PRIM2: variants seen among roughly 807,000 people sequenced by gnomAD.
PRIM2 encodes the protein DNA primase large subunit.
In PRIM2, 39 loss-of-function variants were observed where a neutral mutation model predicts 67.3. The ratio of observed to expected loss-of-function variants is 0.58; its 90% CI spans 0.45 to 0.76. The LOEUF is 0.76. Among genes scored for constraint, PRIM2 ranks in the 30% least tolerant of loss-of-function variants. The pLI, the probability that PRIM2 is intolerant of heterozygous loss-of-function variation, is 0.00. For missense variants in PRIM2, 398 were observed against 598.7 expected (o/e 0.66, Z 3.50); for synonymous variants, 143 against 198.7 (o/e 0.72, Z 2.36).
At chr6:57,238,901 TCCTTAGTATGA>T in the PRIM2 span, among the ~76,000 whole-genome samples, 41 of 152,354 alleles carry the variant, frequency 2.7e-4, 1 homozygote, top group South Asian at 6.4e-3. Flanking sequence ...ATTGTCAAGC[TCCTTAGTATGA>T]CCTTGCCTTT....
intron 8 of PRIM2, among the ~76,000 whole-genome samples, chr6:57,530,144 T>C (rs1774855576): frequency 6.6e-6 from 1 of 152,202 alleles, no homozygotes; most frequent in Non-Finnish European, 1.5e-5. Flanking sequence ...GGGACAGATA[T>C]GCAAACCATA....
chr6:57,453,935 G>A (rs1253167070), intron 7 of PRIM2, among the ~76,000 whole-genome samples: 1 of 152,122 alleles, frequency 6.6e-6, no homozygotes, highest in Non-Finnish European at 1.5e-5. Flanking sequence ...GTCATAGATA[G>A]CTCTTATTAT....
At chr6:57,521,460 A>G (rs1228209315) in intron 8 of PRIM2, among the ~76,000 whole-genome samples, 1 of 143,384 alleles carries the variant, frequency 7.0e-6, no homozygotes, top group African/African-American at 2.6e-5. Context: ...AGAAACATTT[A>G]CTTCCTCTTC....
intron 7 of PRIM2, among the ~76,000 whole-genome samples, chr6:57,389,297 A>G (rs1770252539): frequency 6.6e-6 from 1 of 151,986 alleles, no homozygotes; most frequent in African/African-American, 2.4e-5. Context: ...AAGTTTATGT[A>G]GAGTTGGGGA....
At chr6:57,594,088 A>C (rs1776326216) in intron 10 of PRIM2, among the ~76,000 whole-genome samples, 1 of 152,252 alleles carries the variant, frequency 6.6e-6, no homozygotes, top group Non-Finnish European at 1.5e-5. Flanking sequence ...AGAAACAAAC[A>C]GAAGTTGTTT....
chr6:57,262,755 A>G, the PRIM2 span, among the ~76,000 whole-genome samples: 5 of 152,158 alleles, frequency 3.3e-5, no homozygotes, highest in Admixed American at 2.6e-4. Flanking sequence ...CTCTTTGACT[A>G]TTTCCTCAGC....
intron 8 of PRIM2, among the ~76,000 whole-genome samples, chr6:57,522,717 CTAAG>C (rs1581968281): frequency 4.6e-5 from 7 of 152,146 alleles, no homozygotes; most frequent in Admixed American, 1.3e-4. Flanking sequence ...ATTTTATGGA[CTAAG>C]TCTTTGAAAT....
chr6:57,337,746 C>T (rs1317659491), intron 5 of PRIM2, among the ~76,000 whole-genome samples: 2 of 152,094 alleles, frequency 1.3e-5, no homozygotes, highest in Non-Finnish European at 1.5e-5. Flanking sequence ...TAAATGCCCA[C>T]AAGAGAAAGC....
chr6:57,478,438 T>C (rs1773532332), intron 7 of PRIM2, among the ~76,000 whole-genome samples: 7 of 151,746 alleles, frequency 4.6e-5, no homozygotes, highest in Admixed American at 4.6e-4. Flanking sequence ...ACTCCTGTGC[T>C]CAAGTCTTCC....
At chr6:57,420,064 G>A (rs1159060156) in intron 7 of PRIM2, among the ~76,000 whole-genome samples, 1 of 152,176 alleles carries the variant, frequency 6.6e-6, no homozygotes, top group Non-Finnish European at 1.5e-5. Context: ...CTTTTTGGTG[G>A]TTGCTAGATT....
intron 9 of PRIM2, among the ~76,000 whole-genome samples, chr6:57,534,744 C>A (rs1245019982): frequency 5.3e-5 from 8 of 152,202 alleles, no homozygotes; most frequent in South Asian, 2.1e-4. Flanking sequence ...ATCTTCTGCT[C>A]CATTCCGGCT....
intron 12 of PRIM2, among the ~76,000 whole-genome samples, chr6:57,623,051 G>T (rs1232376135): frequency 6.6e-6 from 1 of 152,154 alleles, no homozygotes; most frequent in Non-Finnish European, 1.5e-5. Context: ...GAAAGTAACT[G>T]CTTTTAAGGG....
chr6:57,467,105 C>A (rs1401148085), intron 7 of PRIM2, among the ~76,000 whole-genome samples: 45 of 94,228 alleles, frequency 4.8e-4, no homozygotes, highest in East Asian at 9.2e-4. Context: ...AACTCCATCT[C>A]AAAAAAAAAA....
chr6:57,264,309 G>A, the PRIM2 span, among the ~76,000 whole-genome samples: 3 of 152,154 alleles, frequency 2.0e-5, no homozygotes, highest in Admixed American at 6.5e-5. Context: ...ATGACACCAA[G>A]CCATGAATTT....
chr6:57,381,556 T>C (rs72871631), intron 6 of PRIM2, among the ~76,000 whole-genome samples: 2 of 151,322 alleles, frequency 1.3e-5, no homozygotes, highest in East Asian at 3.9e-4. Flanking sequence ...GATTAGCTTT[T>C]TCAGTATATT....
chr6:57,325,857 A>G, intron 4 of PRIM2, 68 bp from the exon 5 acceptor site: 1 of 1,457,718 alleles, frequency 6.9e-7, no homozygotes, highest in South Asian at 1.3e-5. Context: ...ATTGTTTTAT[A>G]AACATTTCTT....
intron 5 of PRIM2, among the ~76,000 whole-genome samples, chr6:57,346,659 C>T (rs1468721570): frequency 6.6e-6 from 1 of 152,138 alleles, no homozygotes; most frequent in Non-Finnish European, 1.5e-5. Flanking sequence ...TATAATCTTT[C>T]CCTCTTTCCT....
chr6:57,265,500 C>T, the PRIM2 span, among the ~76,000 whole-genome samples: 2 of 152,128 alleles, frequency 1.3e-5, no homozygotes, highest in Non-Finnish European at 2.9e-5. Flanking sequence ...GTTATTTTTC[C>T]ATACACTTTG....
At chr6:57,439,464 G>T (rs113026144) in intron 7 of PRIM2, among the ~76,000 whole-genome samples, 6 of 135,534 alleles carry the variant, frequency 4.4e-5, no homozygotes, top group African/African-American at 1.6e-4. Flanking sequence ...CACCCAGGCT[G>T]GAGTGTAGTG....
Sources: gnomAD v4.1 joint callset for allele counts (sites outside exome capture counted in the v4.1 genomes callset) on GRCh38, gnomAD v4.1.1 for gene constraint, MANE v1.5 for transcripts, NCBI Gene and HGNC (gene_info 2026-07-23, HGNC 2026-07-21) for gene names.